Variants in GABRB1 observed in about 807,000 individuals in gnomAD.
The protein encoded by GABRB1 is gamma-aminobutyric acid type A receptor subunit beta1, also known as gamma-aminobutyric acid receptor subunit beta-1.
GABRB1 carries 17 observed loss-of-function variants against 51.6 expected under a neutral mutation model. The observed-to-expected ratio is 0.33, with a 90% CI of 0.23 to 0.49. The LOEUF (loss-of-function observed/expected upper bound fraction) is 0.49. GABRB1 is among the 20% of genes least tolerant of loss of function. The pLI is 0.99. For missense variants in GABRB1, 410 were observed against 600.6 expected, an observed-to-expected ratio of 0.68 and a Z score of 3.32; for synonymous variants, 247 against 218.9, an observed-to-expected ratio of 1.13 and a Z score of -1.14.
At chr4:47,143,179 C>T (rs1717003412) in intron 3 of GABRB1, among the ~76,000 whole-genome samples, 1 of 151,816 alleles carries the variant, frequency 6.6e-6, no homozygotes, top group Admixed American at 6.6e-5. Context: ...AGCTAAAATG[C>T]TTCCTCCACC....
intron 5 of GABRB1, among the ~76,000 whole-genome samples, chr4:47,340,571 A>T (rs1725848889): frequency 6.6e-6 from 1 of 152,072 alleles, no homozygotes; most frequent in African/African-American, 2.4e-5. Context: ...GTACTCTCTC[A>T]CATGGCAGAA....
At chr4:47,371,864 A>C (rs111867592) in intron 5 of GABRB1, among the ~76,000 whole-genome samples, 513 of 152,276 alleles carry the variant, frequency 3.4e-3, no homozygotes, top group Non-Finnish European at 5.8e-3. Flanking sequence ...ATAGATGGCA[A>C]AAATTTTCTC....
intron 5 of GABRB1, among the ~76,000 whole-genome samples, chr4:47,324,147 G>T (rs1005306678): frequency 6.6e-6 from 1 of 152,032 alleles, no homozygotes; most frequent in Admixed American, 6.6e-5. Flanking sequence ...AATAATAAAA[G>T]AAAAAGCCAT....
chr4:47,319,975 C>T (rs936768961), intron 4 of GABRB1, 152 bp from the exon 5 acceptor site: 14 of 661,106 alleles, frequency 2.1e-5, no homozygotes, highest in African/African-American at 9.0e-5. Context: ...AATTTGTTGA[C>T]GTATAATTAT....
chr4:47,328,585 C>T (rs1456942887), intron 5 of GABRB1, among the ~76,000 whole-genome samples: 1 of 152,046 alleles, frequency 6.6e-6, no homozygotes. Flanking sequence ...TACTATGCAG[C>T]CATAAAAAAT....
chr4:47,261,367 C>A (rs1038410467), intron 4 of GABRB1, among the ~76,000 whole-genome samples: 2 of 152,054 alleles, frequency 1.3e-5, no homozygotes, highest in African/African-American at 2.4e-5. Flanking sequence ...TATCAATGTA[C>A]AAAAATCACA....
At chr4:47,358,355 G>C (rs76968377) in intron 5 of GABRB1, among the ~76,000 whole-genome samples, 4 of 147,912 alleles carry the variant, frequency 2.7e-5, no homozygotes, top group Non-Finnish European at 5.9e-5. Context: ...TATTATATAT[G>C]TGTGTGTGTA....
At chr4:47,226,773 G>A (rs1402716425) in intron 4 of GABRB1, among the ~76,000 whole-genome samples, 3 of 152,184 alleles carry the variant, frequency 2.0e-5, no homozygotes, top group Admixed American at 2.0e-4. Flanking sequence ...ACATAGATGT[G>A]AGCTAAATAA....
upstream of GABRB1, among the ~76,000 whole-genome samples, chr4:47,026,886 T>C (rs967686076): frequency 6.6e-6 from 1 of 152,072 alleles, no homozygotes; most frequent in Non-Finnish European, 1.5e-5. Context: ...GAAAAGAATG[T>C]AAACTGTCAT....
At chr4:47,173,851 C>T (rs1220468864) in intron 4 of GABRB1, among the ~76,000 whole-genome samples, 1 of 152,150 alleles carries the variant, frequency 6.6e-6, no homozygotes, top group Non-Finnish European at 1.5e-5. Context: ...CTCCATTATC[C>T]ACCACATCAA....
intron 3 of GABRB1, among the ~76,000 whole-genome samples, chr4:47,144,277 C>CT (rs1717059894): frequency 6.6e-6 from 1 of 151,978 alleles, no homozygotes; most frequent in African/African-American, 2.4e-5. Context: ...CACAAAGTGT[C>CT]TTAAAACAAG....
intron 1 of GABRB1, among the ~76,000 whole-genome samples, chr4:47,001,432 A>G (rs138144998): frequency 0.012 from 1,899 of 152,300 alleles, 29 homozygotes; most frequent in Middle Eastern, 0.02. Flanking sequence ...GTGAGCCACC[A>G]TGCCCGGCCA....
At chr4:47,334,850 C>T (rs536077704) in intron 5 of GABRB1, among the ~76,000 whole-genome samples, 20 of 152,216 alleles carry the variant, frequency 1.3e-4, no homozygotes, top group South Asian at 1.0e-3. Context: ...TAATTGTGGG[C>T]GTTTCTCATG....
intron 3 of GABRB1, among the ~76,000 whole-genome samples, chr4:47,047,045 G>A (rs1374769479): frequency 1.3e-5 from 2 of 152,140 alleles, no homozygotes; most frequent in South Asian, 2.1e-4. Context: ...ATGGGTACTA[G>A]GCTTAACACC....
chr4:47,184,921 G>C (rs1360944210), intron 4 of GABRB1, among the ~76,000 whole-genome samples: 1 of 151,750 alleles, frequency 6.6e-6, no homozygotes, highest in Non-Finnish European at 1.5e-5. Context: ...TCAGGACTCA[G>C]GGGTCCCCTT....
intron 4 of GABRB1, among the ~76,000 whole-genome samples, chr4:47,258,553 T>C (rs901516875): frequency 1.3e-5 from 2 of 152,138 alleles, no homozygotes; most frequent in Non-Finnish European, 1.5e-5. Flanking sequence ...TTAATAGATG[T>C]AGAAAACAGT....
rs1013295417 is a variant in GABRB1, at chr4:47,016,619, C to T, written c.-19-15295C>T. On this transcript the variant is annotated intron_variant, in intron 1 of 3. Coordinates refer to the GABRB1 transcript ENST00000513567. ...TATCTATCTATCTGAGATGGAGTCTCACTCTGTCACCCAGGCTGGAGTGCA... is the reference window on the plus strand; with the variant it reads ...TATCTATCTATCTGAGATGGAGTCTTACTCTGTCACCCAGGCTGGAGTGCA... Among the ~76,000 whole-genome samples, 7 of 152,106 alleles carry T rather than the reference C, an allele frequency of 4.6e-5. No individual in the cohort carries two copies. In the South Asian group the frequency reaches 6.2e-4, roughly 14 times the overall value.
At chr4:47,185,877 G>A (rs961773767) in intron 4 of GABRB1, among the ~76,000 whole-genome samples, 1 of 151,820 alleles carries the variant, frequency 6.6e-6, no homozygotes, top group Admixed American at 6.6e-5. Context: ...CTCAAGTGCT[G>A]GGGAAGAATC....
chr4:47,390,909 G>A (rs896684115), intron 5 of GABRB1, among the ~76,000 whole-genome samples: 3 of 152,138 alleles, frequency 2.0e-5, no homozygotes, highest in Non-Finnish European at 2.9e-5. Flanking sequence ...CGGGCACGGT[G>A]GGTCATGCCT....
Sources: allele counts gnomAD v4.1 joint callset (sites outside exome capture counted in the v4.1 genomes callset), GRCh38; gene constraint gnomAD v4.1.1; transcripts MANE v1.5; gene names NCBI Gene and HGNC (gene_info 2026-07-23, HGNC 2026-07-21).